The following DOCK10 variants were observed in gnomAD, a reference collection of about 807,000 sequenced individuals.
DOCK10 encodes the protein dedicator of cytokinesis 10.
Under a neutral mutation model 280.1 loss-of-function variants are expected in DOCK10, and 145 were observed. That is an observed-to-expected ratio of 0.52 (90% confidence interval 0.45 to 0.59). DOCK10 has a LOEUF of 0.59. Among genes scored for constraint, DOCK10 ranks in the 20% least tolerant of loss-of-function variants. The pLI, the probability that DOCK10 is intolerant of heterozygous loss-of-function variation, is 0.00. For synonymous variants in DOCK10, 915 were observed against 942.2 expected (o/e 0.97, Z 0.53); for missense variants, 2,368 against 2,651.7 (o/e 0.89, Z 2.35).
intron 1 of DOCK10, among the ~76,000 whole-genome samples, chr2:224,944,108 A>T (rs1703257685): frequency 6.6e-6 from 1 of 152,156 alleles, no homozygotes; most frequent in Non-Finnish European, 1.5e-5. Flanking sequence ...GGCACGGTAC[A>T]ATGAGGCTGT....
At chr2:224,871,944 T>G (rs767651446) in intron 11 of DOCK10, among the ~76,000 whole-genome samples, 6 of 152,232 alleles carry the variant, frequency 3.9e-5, no homozygotes, top group Non-Finnish European at 7.3e-5. Flanking sequence ...TTCAAGACAC[T>G]AGGGACCTTG....
Position 224,816,758 on chromosome 2 carries a change from A to G in DOCK10, c.3268-45T>C. 1.8e-6 allele frequency: 2 copies of G among 1,083,864 alleles called. 1 individual carries two copies. The highest frequency in any genetic ancestry group is 2.7e-6 in the Non-Finnish European group (2 of 731,932). 67.1% of individuals were successfully genotyped at this position (1,083,864 alleles called of 1,614,324 possible). On this transcript the variant is annotated intron_variant, in intron 29 of 55. Transcript: ENST00000258390. ...AATGACTATGACTTACAGACCAAGA[A>G]ACTGAATAAAAACAAACAAACAAAA...
At chr2:224,900,683 C>T (rs983716289) in intron 3 of DOCK10, among the ~76,000 whole-genome samples, 11 of 152,192 alleles carry the variant, frequency 7.2e-5, no homozygotes, top group African/African-American at 2.7e-4. Context: ...TCTCTAAATG[C>T]TTTTATCTGC....
chr2:224,976,478 G>A (rs572103335), intron 1 of DOCK10, among the ~76,000 whole-genome samples: 92 of 152,180 alleles, frequency 6.0e-4, no homozygotes, highest in Admixed American at 6.5e-4. Flanking sequence ...AGCCAACTAG[G>A]AGAAATGAGT....
chr2:224,836,780 T>C (rs1192784194), intron 25 of DOCK10, among the ~76,000 whole-genome samples: 2 of 152,044 alleles, frequency 1.3e-5, no homozygotes, highest in Non-Finnish European at 2.9e-5. Context: ...TTTGTATTTT[T>C]AGTAGAGACA....
chr2:224,889,749 C>A (rs1291494769), intron 4 of DOCK10, among the ~76,000 whole-genome samples: 2 of 152,176 alleles, frequency 1.3e-5, no homozygotes, highest in Admixed American at 6.5e-5. Flanking sequence ...AAAAATATTC[C>A]TTTTCTCCTT....
At chr2:224,856,252 T>C (rs1697136739) in intron 15 of DOCK10, among the ~76,000 whole-genome samples, 1 of 152,150 alleles carries the variant, frequency 6.6e-6, no homozygotes, top group Admixed American at 6.5e-5. Context: ...TAGACAGTAA[T>C]AATTTTCCTT....
intron 1 of DOCK10, among the ~76,000 whole-genome samples, chr2:225,031,464 A>C (rs1253117364): frequency 6.6e-6 from 1 of 152,224 alleles, no homozygotes; most frequent in East Asian, 1.9e-4. Flanking sequence ...GGGCCGAAGG[A>C]CGAATCTGTA....
At chr2:224,823,726 CTTTAT>C in intron 27 of DOCK10, 79 bp from the exon 28 acceptor site, 1 of 1,349,692 alleles carries the variant, frequency 7.4e-7, no homozygotes, top group Non-Finnish European at 9.9e-7. Flanking sequence ...GAAATATTTA[CTTTAT>C]TTTATAGGTC....
intron 41 of DOCK10, among the ~76,000 whole-genome samples, chr2:224,798,808 T>A (rs1692768172): frequency 6.6e-6 from 1 of 151,938 alleles, no homozygotes; most frequent in Non-Finnish European, 1.5e-5. Context: ...ATTTTTTAAA[T>A]TTTTTTGTAA....
intron 1 of DOCK10, among the ~76,000 whole-genome samples, chr2:224,985,989 T>C (rs1457392406): frequency 1.3e-5 from 2 of 152,192 alleles, no homozygotes; most frequent in African/African-American, 4.8e-5. Context: ...TCTAAATCTA[T>C]ATATCTAATC....
At chr2:224,932,017 C>A (rs142154161) in intron 1 of DOCK10, among the ~76,000 whole-genome samples, 1 of 152,242 alleles carries the variant, frequency 6.6e-6, no homozygotes, top group African/African-American at 2.4e-5. Flanking sequence ...TTACTTGCTA[C>A]GGTATTATGA....
At chr2:224,971,137 C>A (rs938025013) in intron 1 of DOCK10, among the ~76,000 whole-genome samples, 1 of 152,128 alleles carries the variant, frequency 6.6e-6, no homozygotes, top group South Asian at 2.1e-4. Context: ...ACATTTTATT[C>A]TATATAATCT....
chr2:224,934,117 A>G (rs1181679141), intron 1 of DOCK10, among the ~76,000 whole-genome samples: 1 of 152,128 alleles, frequency 6.6e-6, no homozygotes, highest in Admixed American at 6.5e-5. Flanking sequence ...CCGTGATCGT[A>G]TAGTGGTTAG....
chr2:225,011,231 G>T (rs1464190971), intron 1 of DOCK10, among the ~76,000 whole-genome samples: 2 of 152,208 alleles, frequency 1.3e-5, no homozygotes, highest in African/African-American at 4.8e-5. Flanking sequence ...CGCAGTAGTT[G>T]CCAGAAAGGA....
At chr2:224,923,623 AG>A (rs1701891373) in intron 2 of DOCK10, among the ~76,000 whole-genome samples, 2 of 152,234 alleles carry the variant, frequency 1.3e-5, no homozygotes, top group African/African-American at 4.8e-5. Context: ...AATGGACTGA[AG>A]AGCGGCCCAG....
chr2:224,817,432 A>G (rs6714121), intron 29 of DOCK10, among the ~76,000 whole-genome samples: 23,483 of 152,102 alleles, frequency 0.15, 2,470 homozygotes, highest in African/African-American at 0.3. Context: ...ATATTCACTA[A>G]TCTCAGCTCA....
At chr2:224,803,208 G>A (rs532778216) in intron 39 of DOCK10, among the ~76,000 whole-genome samples, 19 of 151,950 alleles carry the variant, frequency 1.3e-4, no homozygotes, top group Non-Finnish European at 2.5e-4. Flanking sequence ...AGTGACCTCA[G>A]GTGGCTCACT....
chr2:224,817,088 A>G (rs756928991), intron 29 of DOCK10, among the ~76,000 whole-genome samples: 7 of 152,244 alleles, frequency 4.6e-5, no homozygotes, highest in Non-Finnish European at 1.0e-4. Context: ...ACACTCAGAT[A>G]ATGAAACAGA....
Sources: allele counts gnomAD v4.1 joint callset (sites outside exome capture counted in the v4.1 genomes callset), GRCh38; gene constraint gnomAD v4.1.1; transcripts MANE v1.5; gene names NCBI Gene and HGNC (gene_info 2026-07-23, HGNC 2026-07-21).